Variants in DMD observed in about 807,000 individuals in gnomAD.
The protein encoded by DMD is mutant dystrophin.
A neutral mutation model predicts 330.1 loss-of-function variants in DMD; 63 were observed. The observed-to-expected ratio is 0.19, with a 90% CI of 0.16 to 0.24. The LOEUF (loss-of-function observed/expected upper bound fraction) is 0.24. Ranked by LOEUF, DMD falls within the 10% of genes least tolerant of loss-of-function variation. The probability of loss-of-function intolerance (pLI) is 1.00; values close to 1 mark genes in which losing one functional copy is unlikely to be tolerated. For synonymous variants in DMD, 1,223 were observed against 959.8 expected, an observed-to-expected ratio of 1.27 and a Z score of -5.07; for missense variants, 3,344 against 2,684.1, an observed-to-expected ratio of 1.25 and a Z score of -5.43.
intron 4 of DMD, 113 bp from the exon 5 acceptor site, chrX:32,823,500 G>T: frequency 1.9e-6 from 1 of 537,656 alleles, no homozygotes; most frequent in Non-Finnish European, 3.2e-6. Context: ...CAGAGACTTA[G>T]CATTGAAGCT....
intron 12 of DMD, among the ~76,000 whole-genome samples, chrX:32,606,018 C>A (rs1264072849): frequency 9.1e-6 from 1 of 110,293 alleles, no homozygotes; most frequent in Non-Finnish European, 1.9e-5. Flanking sequence ...AAGCATTTGT[C>A]CTTTGTCTTA....
At chrX:32,336,857 C>T (rs186907727) in intron 41 of DMD, among the ~76,000 whole-genome samples, 276 of 111,248 alleles carry the variant, frequency 2.5e-3, no homozygotes, top group Non-Finnish European at 3.6e-3. Context: ...AGAAAAGAAA[C>T]CTTTAGGCCT....
intron 44 of DMD, among the ~76,000 whole-genome samples, chrX:32,054,894 G>A (rs1033351964): frequency 1.0e-5 from 1 of 98,908 alleles, no homozygotes; most frequent in African/African-American, 3.7e-5. Flanking sequence ...GGAGGGGAGG[G>A]GAGGAGAGAG....
chrX:33,038,621 T>C (rs1444304705), intron 1 of DMD, among the ~76,000 whole-genome samples: 2 of 111,845 alleles, frequency 1.8e-5, no homozygotes, highest in Non-Finnish European at 3.8e-5. Context: ...GAGAGCATTT[T>C]TGAAGGAATG....
At chrX:32,157,458 G>A (rs1386008731) in intron 44 of DMD, among the ~76,000 whole-genome samples, 1 of 112,226 alleles carries the variant, frequency 8.9e-6, no homozygotes, top group Non-Finnish European at 1.9e-5. Context: ...GTTGCTACTT[G>A]GATTGTCTAT....
chrX:32,814,488 G>A (rs1332790094), intron 6 of DMD, among the ~76,000 whole-genome samples: 1 of 112,072 alleles, frequency 8.9e-6, no homozygotes, highest in African/African-American at 3.2e-5. Context: ...ATGGAACAGA[G>A]AGTTCAACCA....
intron 7 of DMD, among the ~76,000 whole-genome samples, chrX:32,745,916 C>G (rs951184891): frequency 8.9e-6 from 1 of 111,988 alleles, no homozygotes; most frequent in African/African-American, 3.2e-5. Context: ...AGGAAAAAGA[C>G]AGCGAACAGC....
intron 67 of DMD, among the ~76,000 whole-genome samples, chrX:31,192,860 A>AC (rs1190944310): frequency 1.8e-5 from 2 of 112,297 alleles, no homozygotes; most frequent in Non-Finnish European, 3.8e-5. Context: ...GTTTGAAAGT[A>AC]CTAGAGTCTG....
At chrX:32,801,358 T>G in intron 7 of DMD, among the ~76,000 whole-genome samples, 1 of 111,919 alleles carries the variant, frequency 8.9e-6, no homozygotes, top group East Asian at 2.8e-4. Context: ...CTTTGCCTAC[T>G]TTTTGATGGG....
At chrX:32,279,205 T>C (rs1277119166) in intron 43 of DMD, among the ~76,000 whole-genome samples, 1 of 111,730 alleles carries the variant, frequency 9.0e-6, no homozygotes, top group Non-Finnish European at 1.9e-5. Flanking sequence ...TCCTGTACAC[T>C]GTTGGCAGGA....
At chrX:31,554,991 T>C (rs970593915) in intron 55 of DMD, among the ~76,000 whole-genome samples, 14 of 111,832 alleles carry the variant, frequency 1.3e-4, no homozygotes, top group African/African-American at 4.6e-4. Context: ...AGACAGATTG[T>C]TCCTAGGAGA....
At chrX:32,646,999 C>G (rs1377062995) in intron 9 of DMD, among the ~76,000 whole-genome samples, 1 of 110,442 alleles carries the variant, frequency 9.1e-6, no homozygotes, top group Non-Finnish European at 1.9e-5. Flanking sequence ...TCTTCCGTCT[C>G]TAAATACTAT....
intron 1 of DMD, among the ~76,000 whole-genome samples, chrX:33,174,162 A>T (rs398123924): frequency 1.5e-4 from 16 of 110,090 alleles, no homozygotes; most frequent in Non-Finnish European, 2.8e-4. Flanking sequence ...AAGACATTTC[A>T]CACTTCTCAA....
intron 7 of DMD, among the ~76,000 whole-genome samples, chrX:32,742,090 C>T (rs1200704566): frequency 3.6e-5 from 4 of 111,380 alleles, no homozygotes; most frequent in African/African-American, 1.3e-4. Flanking sequence ...ACTATGGTGC[C>T]GTACACTTGG....
chrX:33,277,372 T>C (rs1317017758), intron 1 of DMD, among the ~76,000 whole-genome samples: 1 of 111,619 alleles, frequency 9.0e-6, no homozygotes, highest in Non-Finnish European at 1.9e-5. Context: ...ATCGTGAATG[T>C]ACGAAATGCT....
At chrX:32,445,004 G>C (rs1166231668) in intron 27 of DMD, among the ~76,000 whole-genome samples, 1 of 111,140 alleles carries the variant, frequency 9.0e-6, no homozygotes, top group Non-Finnish European at 1.9e-5. Context: ...AGTGCCCATA[G>C]GCTCTGAGTT....
chrX:32,048,586 A>T (rs995453085), intron 44 of DMD, among the ~76,000 whole-genome samples: 2 of 110,359 alleles, frequency 1.8e-5, no homozygotes, highest in African/African-American at 6.6e-5. Context: ...TTGCTAAAAT[A>T]CTGCTTCCCT....
intron 74 of DMD, among the ~76,000 whole-genome samples, chrX:31,155,612 G>GTT (rs201306445): frequency 8.8e-4 from 97 of 110,725 alleles, no homozygotes; most frequent in African/African-American, 2.9e-3. Flanking sequence ...CCAATCAGCA[G>GTT]TTTTTTTTTA....
chrX:31,656,036 A>C (rs1478962126), intron 54 of DMD, among the ~76,000 whole-genome samples: 1 of 112,138 alleles, frequency 8.9e-6, no homozygotes, highest in Non-Finnish European at 1.9e-5. Flanking sequence ...AACTCAAAAG[A>C]TCATTCTCAG....
Sources: gnomAD v4.1 joint callset for allele counts (sites outside exome capture counted in the v4.1 genomes callset) on GRCh38, gnomAD v4.1.1 for gene constraint, MANE v1.5 for transcripts, NCBI Gene and HGNC (gene_info 2026-07-23, HGNC 2026-07-21) for gene names.